REXO5: variants seen among roughly 807,000 people sequenced by gnomAD.
REXO5 encodes RNA exonuclease 5.
A neutral mutation model predicts 88.5 loss-of-function variants in REXO5; 48 were observed. That is an observed-to-expected ratio of 0.54 (90% confidence interval 0.43 to 0.69). The LOEUF (loss-of-function observed/expected upper bound fraction) is 0.69. Ranked by LOEUF, REXO5 falls within the 30% of genes least tolerant of loss-of-function variation. REXO5 has a pLI of 0.00. For missense variants in REXO5, 749 were observed against 912.2 expected (o/e 0.82, Z 2.30); for synonymous variants, 311 against 336.5 (o/e 0.92, Z 0.83).
In REXO5 at chr16:20,836,021, C is replaced by A. The variant is rs374084784; in HGVS notation, c.1383+2898C>A. 1.4e-4 allele frequency among the ~76,000 whole-genome samples: 22 copies of A among 152,226 alleles called. No individual in the cohort carries two copies. In the South Asian group the frequency reaches 4.4e-3, roughly 30 times the overall value. On this transcript the variant is annotated intron_variant, in intron 13 of 19. Transcript: ENST00000261377. ...ATCGCACTACTGCACTCCAGCCTGG[C>A]AACAGAGACCCTGTCTCAAAAAAAA... is the stretch of plus-strand genomic sequence containing the variant.
chr16:20,834,451 G>A (rs980780726), intron 13 of REXO5, among the ~76,000 whole-genome samples: 6 of 152,036 alleles, frequency 3.9e-5, no homozygotes, highest in Non-Finnish European at 7.4e-5. Context: ...TTTTTTATGC[G>A]TCTTTTGCTT....
chr16:20,809,667 C>A (rs868161174), intron 2 of REXO5, among the ~76,000 whole-genome samples: 5 of 152,198 alleles, frequency 3.3e-5, no homozygotes, highest in Admixed American at 6.5e-5. Flanking sequence ...GTGATATTAA[C>A]CTTGATAACT....
At chr16:20,806,439 C>T, upstream of REXO5, 3 of 1,553,480 alleles carry the variant, frequency 1.9e-6, no homozygotes, top group Non-Finnish European at 2.6e-6. Context: ...ATTCCCGACA[C>T]TCCTTGCTTT....
rs777996497 is a variant in REXO5, at chr16:20,844,801, C to G, written c.1892C>G (p.Pro631Arg). 6.2e-7 allele frequency: 1 copy of G among 1,614,124 alleles called. No individual in the cohort carries two copies. The highest frequency in any genetic ancestry group is 1.1e-5 in the South Asian group (1 of 91,090). ...CTTGGCCTGGAAGCTGTGATCTTGC[C>G]TAAAGATCTTAAAAGTGGAAAGCAG... Reference protein sequence around the residue: ...LFLGLEAVILPKDLKSGKQKK... With the variant: ...LFLGLEAVILRKDLKSGKQKK... Residue 631 changes from proline (P) to arginine (R), a missense_variant, in exon 17 of 20, where the codon CCT becomes CGT. Transcript: ENST00000261377.
intron 12 of REXO5, among the ~76,000 whole-genome samples, chr16:20,832,544 C>T (rs185923132): frequency 2.9e-4 from 44 of 151,018 alleles, no homozygotes; most frequent in Non-Finnish European, 5.0e-4. Flanking sequence ...CTAGGTAGCA[C>T]TGGGAAAGAT....
At chr16:20,826,062 C>A in intron 8 of REXO5, 114 bp downstream of exon 8, 1 of 676,540 alleles carries the variant, frequency 1.5e-6, no homozygotes, top group Non-Finnish European at 2.6e-6. Context: ...TAAATATTAT[C>A]AAAGGTTAGG....
intron 15 of REXO5, 124 bp downstream of exon 15, chr16:20,840,592 A>G: frequency 2.6e-6 from 2 of 781,540 alleles, no homozygotes; most frequent in Non-Finnish European, 2.0e-6. Context: ...GGAGTGTGAG[A>G]CATACTCTAA....
At position 20,839,806 on chromosome 16, in the gene REXO5, C is replaced by G. The variant is rs145168558; in HGVS notation, c.1435C>G (p.Gln479Glu). The G allele has an allele frequency of 6.2e-7, 1 of 1,613,774 alleles. No homozygotes were observed. The highest frequency in any genetic ancestry group is 1.3e-5 in the African/African-American group (1 of 74,908). The change falls in exon 14 of 20, where the codon CAG becomes GAG. Residue 479 changes from glutamine (Q) to glutamate (E), a missense_variant. Transcript: ENST00000261377. ...CCCCCTGTTTCCCTTCAGCATTGTT[C>G]AGTTCTCTTTTAAGGCCTTTTCACC... ...EIPLFPFSIV[Q>E]FSFKAFSPVL...
At chr16:20,816,721 C>G (rs2081086877) in intron 5 of REXO5, among the ~76,000 whole-genome samples, 1 of 152,154 alleles carries the variant, frequency 6.6e-6, no homozygotes, top group African/African-American at 2.4e-5. Context: ...GGGTTCATGT[C>G]TCAGAAACAA....
At chr16:20,846,779 A>C (rs1410459671) in intron 19 of REXO5, among the ~76,000 whole-genome samples, 3 of 152,224 alleles carry the variant, frequency 2.0e-5, no homozygotes, top group Non-Finnish European at 4.4e-5. Context: ...TCTAAGCCTG[A>C]GGAATACTGG....
intron 2 of REXO5, among the ~76,000 whole-genome samples, chr16:20,809,388 G>A (rs915155359): frequency 9.9e-5 from 15 of 152,224 alleles, no homozygotes; most frequent in East Asian, 1.9e-4. Context: ...TTTGAATAAC[G>A]CTTTTTAGCA....
At chr16:20,815,116 G>A in intron 4 of REXO5, 63 bp downstream of exon 4, 3 of 1,557,190 alleles carry the variant, frequency 1.9e-6, no homozygotes, top group Non-Finnish European at 1.7e-6. Context: ...ACTAATACAT[G>A]TGTCAGGGAC....
chr16:20,844,173 T>C (rs1028842738), intron 16 of REXO5, 147 bp downstream of exon 16: 4 of 598,096 alleles, frequency 6.7e-6, no homozygotes, highest in Non-Finnish European at 1.2e-5. Context: ...TCTAACATTC[T>C]CCTACTGGCA....
At chr16:20,825,792 C>A in intron 7 of REXO5, 41 bp from the exon 8 acceptor site, 2 of 1,400,374 alleles carry the variant, frequency 1.4e-6, no homozygotes, top group Non-Finnish European at 2.0e-6. Context: ...GAAGCAATAA[C>A]TTCCACAGTT....
At chr16:20,808,171 T>C (rs1478984170) in intron 2 of REXO5, among the ~76,000 whole-genome samples, 1 of 152,076 alleles carries the variant, frequency 6.6e-6, no homozygotes, top group East Asian at 1.9e-4. Context: ...CTTCTCCCAG[T>C]CAGTGGAAAG....
At chr16:20,827,501 C>T in intron 10 of REXO5, 54 bp downstream of exon 10, 1 of 1,297,456 alleles carries the variant, frequency 7.7e-7, no homozygotes, top group Non-Finnish European at 1.1e-6. Flanking sequence ...TACAAGTTAG[C>T]ATGTAGTATC....
At chr16:20,823,157 A>C (rs1475371106) in intron 6 of REXO5, among the ~76,000 whole-genome samples, 2 of 152,166 alleles carry the variant, frequency 1.3e-5, no homozygotes, top group Non-Finnish European at 2.9e-5. Context: ...AACTTTTCAC[A>C]TGCTTATTAG....
chr16:20,817,409 A>G (rs557589284), intron 5 of REXO5, among the ~76,000 whole-genome samples: 1 of 152,344 alleles, frequency 6.6e-6, no homozygotes, highest in East Asian at 1.9e-4. Context: ...TGTAATCAGG[A>G]AAAAGAAATC....
chr16:20,814,594 G>A (rs1046602109), intron 3 of REXO5, among the ~76,000 whole-genome samples: 4 of 152,098 alleles, frequency 2.6e-5, no homozygotes, highest in African/African-American at 9.7e-5. Context: ...AGGAAGGACC[G>A]CAGAGTAGGT....
Sources: gnomAD v4.1 joint callset for allele counts (sites outside exome capture counted in the v4.1 genomes callset) on GRCh38, gnomAD v4.1.1 for gene constraint, MANE v1.5 for transcripts, NCBI Gene and HGNC (gene_info 2026-07-23, HGNC 2026-07-21) for gene names.